The following ARHGAP32 variants were observed in gnomAD, a reference collection of about 807,000 sequenced individuals.
The protein encoded by ARHGAP32 is Rho GTPase activating protein 32.
Under a neutral mutation model 186.5 loss-of-function variants are expected in ARHGAP32, and 51 were observed. The ratio of observed to expected loss-of-function variants is 0.27; its 90% CI spans 0.22 to 0.35. ARHGAP32 has a LOEUF of 0.35. Ranked by LOEUF, ARHGAP32 falls within the 10% of genes least tolerant of loss-of-function variation. The pLI, the probability that ARHGAP32 is intolerant of heterozygous loss-of-function variation, is 1.00. For synonymous variants in ARHGAP32, 950 were observed against 964.3 expected (o/e 0.99, Z 0.27); for missense variants, 2,186 against 2,623.5 (o/e 0.83, Z 3.64).
intron 1 of ARHGAP32, among the ~76,000 whole-genome samples, chr11:129,241,514 CG>C (rs1945017751): frequency 1.3e-5 from 2 of 151,894 alleles, no homozygotes. Context: ...GGTGTGTTGG[CG>C]CACATCTGTA....
intron 1 of ARHGAP32, among the ~76,000 whole-genome samples, chr11:129,270,211 G>A (rs10894015): frequency 0.2 from 30,810 of 151,982 alleles, 3,263 homozygotes; most frequent in East Asian, 0.24. Context: ...ATCAAGCCAC[G>A]AAAAGACAGG....
intron 1 of ARHGAP32, among the ~76,000 whole-genome samples, chr11:129,274,305 C>G (rs901979432): frequency 6.6e-6 from 1 of 152,204 alleles, no homozygotes; most frequent in Non-Finnish European, 1.5e-5. Flanking sequence ...TTTTTAACCT[C>G]AAGAGAAAAC....
chr11:129,102,885 C>A (rs959541687), intron 5 of ARHGAP32, among the ~76,000 whole-genome samples: 2 of 152,072 alleles, frequency 1.3e-5, no homozygotes, highest in Non-Finnish European at 2.9e-5. Context: ...TATACACCCC[C>A]CAAAGACAAA....
intron 11 of ARHGAP32, among the ~76,000 whole-genome samples, chr11:129,030,890 T>C (rs1939084088): frequency 6.6e-6 from 1 of 152,166 alleles, no homozygotes; most frequent in Admixed American, 6.5e-5. Flanking sequence ...ACTCGTGAGA[T>C]CTGGTTGTAT....
chr11:129,158,869 T>C lies in ARHGAP32; in HGVS notation c.225+5450A>G, dbSNP rs772196594. On this transcript the variant is annotated intron_variant, in intron 2 of 22. Transcript: ENST00000682385. ...GAAATCATAACAGTCTCCCAAACAA[T>C]AGGCAATCAAAATAAAATTCAGGAT... Among the ~76,000 whole-genome samples the C allele has an allele frequency of 8.6e-5, 13 of 151,462 alleles. No homozygotes were observed. The South Asian group carries it at 1.0e-3, about 12-fold the overall frequency.
chr11:129,151,294 T>C (rs1943282124), intron 2 of ARHGAP32, among the ~76,000 whole-genome samples: 1 of 152,120 alleles, frequency 6.6e-6, no homozygotes, highest in South Asian at 2.1e-4. Context: ...GGAAATTCAA[T>C]ATTCCACTGA....
chr11:129,255,816 T>G (rs979183625), intron 1 of ARHGAP32, among the ~76,000 whole-genome samples: 7 of 152,208 alleles, frequency 4.6e-5, no homozygotes, highest in Middle Eastern at 6.8e-3. Flanking sequence ...CATTTGTTAC[T>G]GATACCCTAT....
In ARHGAP32 at chr11:128,965,581, CG is replaced by C. The variant is rs960087098; in HGVS notation, c.*3325del. 1.4e-4 allele frequency: 22 copies of C among 152,198 alleles called. No individual in the cohort carries two copies. Among genetic ancestry groups the C allele is most frequent in the African/African-American group, 5.3e-4 (22 of 41,444 alleles). 9.4% of individuals were successfully genotyped at this position (152,198 alleles called of 1,614,324 possible). On this transcript the variant is annotated 3_prime_UTR_variant, in exon 23 of 23. Coordinates refer to ENST00000682385, the MANE Select transcript of ARHGAP32 (RefSeq NM_001378024.1). ...GTGCACACTGACATTATCTTGCACACGTTATAATACACCATTCCTGACATTT... is the reference window on the plus strand; with the variant it reads ...GTGCACACTGACATTATCTTGCACACTTATAATACACCATTCCTGACATTT...
intron 10 of ARHGAP32, among the ~76,000 whole-genome samples, chr11:129,047,209 C>CCAAACATTT (rs1325422756): frequency 6.6e-6 from 1 of 152,100 alleles, no homozygotes; most frequent in Admixed American, 6.6e-5. Flanking sequence ...GTTGGCGTAG[C>CCAAACATTT]CAAACATTTT....
rs1945213865 is a variant in ARHGAP32, at chr11:128,965,986, G to A, written c.*2921C>T. ...TAAGAAATGTGCAGGCCCTAGTCGT[G>A]GGACCATCCCAGGGACTTGCAGGTT... On this transcript the variant is annotated 3_prime_UTR_variant, in exon 23 of 23. Coordinates refer to ENST00000682385, the MANE Select transcript of ARHGAP32 (RefSeq NM_001378024.1). 1 of 152,274 alleles carries A rather than the reference G, an allele frequency of 6.6e-6. No homozygotes were observed. Among genetic ancestry groups the A allele is most frequent in the Admixed American group, 6.5e-5 (1 of 15,290 alleles). 9.4% of individuals were successfully genotyped at this position (152,274 alleles called of 1,614,324 possible).
chr11:129,162,284 T>G (rs1943547598), intron 2 of ARHGAP32, among the ~76,000 whole-genome samples: 1 of 152,124 alleles, frequency 6.6e-6, no homozygotes, highest in African/African-American at 2.4e-5. Context: ...CTCCGGAACT[T>G]AAAAGTATAA....
intron 1 of ARHGAP32, among the ~76,000 whole-genome samples, chr11:129,263,121 A>G (rs371156186): frequency 2.6e-5 from 4 of 152,204 alleles, no homozygotes; most frequent in Non-Finnish European, 5.9e-5. Context: ...TCTAAACATA[A>G]GAGCTATGGA....
chr11:129,214,158 G>A (rs1408538889), intron 1 of ARHGAP32, among the ~76,000 whole-genome samples: 1 of 152,052 alleles, frequency 6.6e-6, no homozygotes, highest in African/African-American at 2.4e-5. Flanking sequence ...GAAGCCTATG[G>A]AGAAATGATG....
At chr11:128,990,271 T>C (rs748393604) in intron 12 of ARHGAP32, among the ~76,000 whole-genome samples, 30 of 152,218 alleles carry the variant, frequency 2.0e-4, no homozygotes, top group Admixed American at 3.9e-4. Context: ...TATGTGCTCA[T>C]AGAAAAATAT....
intron 1 of ARHGAP32, among the ~76,000 whole-genome samples, chr11:129,183,650 A>G (rs1220410762): frequency 1.3e-5 from 2 of 152,088 alleles, no homozygotes; most frequent in South Asian, 2.1e-4. Context: ...TGCAGATAGG[A>G]AAAGTGGAAT....
intron 10 of ARHGAP32, among the ~76,000 whole-genome samples, chr11:129,051,820 T>A (rs1243345187): frequency 6.6e-6 from 1 of 151,984 alleles, no homozygotes; most frequent in East Asian, 1.9e-4. Flanking sequence ...CTGGGCGTGG[T>A]GGCCTGCGCC....
At chr11:129,133,960 T>C (rs1251573248) in intron 2 of ARHGAP32, among the ~76,000 whole-genome samples, 3 of 152,204 alleles carry the variant, frequency 2.0e-5, no homozygotes, top group Non-Finnish European at 4.4e-5. Flanking sequence ...GTGATCTATA[T>C]AAAAACTTTA....
chr11:128,977,495 C>G (rs1274345670), intron 19 of ARHGAP32, among the ~76,000 whole-genome samples: 1 of 152,090 alleles, frequency 6.6e-6, no homozygotes, highest in Non-Finnish European at 1.5e-5. Flanking sequence ...CTCCAGCATT[C>G]AGCCCTCAGC....
chr11:129,099,245 T>A (rs1208879443), intron 5 of ARHGAP32, among the ~76,000 whole-genome samples: 2 of 152,220 alleles, frequency 1.3e-5, no homozygotes, highest in Non-Finnish European at 2.9e-5. Context: ...AATGACAAAC[T>A]GCATATATCA....
Sources: gnomAD v4.1 joint callset for allele counts (sites outside exome capture counted in the v4.1 genomes callset) on GRCh38, gnomAD v4.1.1 for gene constraint, MANE v1.5 for transcripts, NCBI Gene and HGNC (gene_info 2026-07-23, HGNC 2026-07-21) for gene names.